NRG3: variants seen among roughly 807,000 people sequenced by gnomAD.
NRG3 encodes neuregulin 3.
NRG3 carries 31 observed loss-of-function variants against 66.9 expected under a neutral mutation model. The observed-to-expected ratio is 0.46, with a 90% CI of 0.35 to 0.63. NRG3 has a LOEUF of 0.63. Among genes scored for constraint, NRG3 ranks in the 20% least tolerant of loss-of-function variants. The pLI, the probability that NRG3 is intolerant of heterozygous loss-of-function variation, is 0.00. For missense variants in NRG3, 910 were observed against 878.9 expected (o/e 1.04, Z -0.45); for synonymous variants, 393 against 359.4 (o/e 1.09, Z -1.06).
chr10:82,805,320 C>T (rs1227814269), intron 3 of NRG3, among the ~76,000 whole-genome samples: 4 of 152,118 alleles, frequency 2.6e-5, no homozygotes, highest in Non-Finnish European at 5.9e-5. Flanking sequence ...CCACTATCAG[C>T]TTTGTGTCTC....
At chr10:82,540,171 A>G (rs1474263046) in intron 2 of NRG3, among the ~76,000 whole-genome samples, 2 of 150,308 alleles carry the variant, frequency 1.3e-5, no homozygotes, top group Non-Finnish European at 3.0e-5. Context: ...TGCTGTAATT[A>G]ATAATCTTTT....
chr10:81,934,956 C>T (rs529220752), intron 1 of NRG3, among the ~76,000 whole-genome samples: 1 of 152,216 alleles, frequency 6.6e-6, no homozygotes, highest in Non-Finnish European at 1.5e-5. Context: ...GAGGCCTTCA[C>T]TCCAGAAGTA....
chr10:82,061,214 G>A (rs1044886011), intron 1 of NRG3, among the ~76,000 whole-genome samples: 2 of 152,088 alleles, frequency 1.3e-5, no homozygotes, highest in African/African-American at 4.8e-5. Flanking sequence ...AGCCGGGCGT[G>A]GTGGCGGGTG....
chr10:82,530,447 T>G lies in NRG3; in HGVS notation c.953+171579T>G, dbSNP rs1421410821. Among the ~76,000 whole-genome samples the G allele has an allele frequency of 2.0e-5, 3 of 152,018 alleles. No homozygotes were observed. In the East Asian group the frequency reaches 5.8e-4, roughly 29 times the overall value. Reference sequence around the variant, plus strand: ...TATATTTTAGCCTGGTGGCCCTCGTTTCTCTCTACAAGGCTTATCCTTAAT... The same window carrying G: ...TATATTTTAGCCTGGTGGCCCTCGTGTCTCTCTACAAGGCTTATCCTTAAT... On this transcript the variant is annotated intron_variant, in intron 2 of 8. Transcript: ENST00000372141.
intron 3 of NRG3, among the ~76,000 whole-genome samples, chr10:82,739,954 G>A (rs1301711479): frequency 2.0e-5 from 3 of 152,000 alleles, no homozygotes; most frequent in Non-Finnish European, 4.4e-5. Flanking sequence ...TGGCATGTTA[G>A]GAAACTTGCA....
At chr10:82,720,805 T>TTATATATATATATATATATATA (rs1363560030) in intron 2 of NRG3, among the ~76,000 whole-genome samples, 28 of 63,480 alleles carry the variant, frequency 4.4e-4, no homozygotes, top group African/African-American at 2.0e-3. Context: ...TAGGAGTATT[T>TTATATATATATATATATATATA]TATACATATA....
chr10:82,491,717 T>A (rs1159910957), intron 2 of NRG3, among the ~76,000 whole-genome samples: 1 of 152,098 alleles, frequency 6.6e-6, no homozygotes, highest in Non-Finnish European at 1.5e-5. Context: ...ATATTGATCT[T>A]TACTGCCATT....
chr10:82,364,059 C>A (rs1416147326), intron 2 of NRG3, among the ~76,000 whole-genome samples: 1 of 151,998 alleles, frequency 6.6e-6, no homozygotes, highest in Non-Finnish European at 1.5e-5. Context: ...GGCAAATTTT[C>A]TAACATCTCT....
At chr10:82,501,840 C>T (rs1844221728) in intron 2 of NRG3, among the ~76,000 whole-genome samples, 1 of 152,112 alleles carries the variant, frequency 6.6e-6, no homozygotes, top group Non-Finnish European at 1.5e-5. Flanking sequence ...TTTTATCCTG[C>T]ATATTTCATT....
At chr10:82,844,083 G>A (rs2063194243) in intron 3 of NRG3, among the ~76,000 whole-genome samples, 1 of 152,158 alleles carries the variant, frequency 6.6e-6, no homozygotes, top group African/African-American at 2.4e-5. Flanking sequence ...GCCATAAATA[G>A]CTGGGAATTT....
chr10:82,948,416 T>G (rs1184308611), intron 4 of NRG3, among the ~76,000 whole-genome samples: 1 of 152,062 alleles, frequency 6.6e-6, no homozygotes, highest in African/African-American at 2.4e-5. Flanking sequence ...CTTTTGTATT[T>G]CCATAAAACA....
At chr10:82,069,197 G>A (rs1034536213) in intron 1 of NRG3, among the ~76,000 whole-genome samples, 5 of 152,144 alleles carry the variant, frequency 3.3e-5, no homozygotes, top group African/African-American at 1.2e-4. Flanking sequence ...CAGATGGATT[G>A]GATAGGGGTC....
intron 1 of NRG3, among the ~76,000 whole-genome samples, chr10:82,022,821 A>G (rs1042914864): frequency 1.3e-5 from 2 of 151,870 alleles, no homozygotes; most frequent in Admixed American, 1.3e-4. Context: ...GTAAAATTTT[A>G]TTTTTATTTT....
intron 3 of NRG3, among the ~76,000 whole-genome samples, chr10:82,861,110 A>G (rs1215245610): frequency 6.6e-6 from 1 of 152,018 alleles, no homozygotes; most frequent in Non-Finnish European, 1.5e-5. Context: ...GGTGTTTAAC[A>G]TTTTAATAAA....
At chr10:82,883,712 T>C (rs535392794) in intron 4 of NRG3, among the ~76,000 whole-genome samples, 38 of 152,178 alleles carry the variant, frequency 2.5e-4, no homozygotes, top group African/African-American at 8.9e-4. Context: ...CTCTTTCTTT[T>C]CCTGTGCACT....
intron 1 of NRG3, among the ~76,000 whole-genome samples, chr10:82,290,048 C>T (rs1394083440): frequency 6.6e-6 from 1 of 152,180 alleles, no homozygotes; most frequent in Non-Finnish European, 1.5e-5. Context: ...CAATTATCAC[C>T]TAGGCTTTAA....
intron 2 of NRG3, among the ~76,000 whole-genome samples, chr10:82,584,298 C>T (rs1178475025): frequency 2.0e-5 from 3 of 152,028 alleles, no homozygotes; most frequent in African/African-American, 7.2e-5. Context: ...GTTGGCCATG[C>T]TGGTCTTGAA....
At chr10:82,934,581 AG>A (rs1847883977) in intron 4 of NRG3, among the ~76,000 whole-genome samples, 3 of 152,198 alleles carry the variant, frequency 2.0e-5, no homozygotes, top group Non-Finnish European at 4.4e-5. Flanking sequence ...CTGGCTGCTG[AG>A]GCACACTTAT....
chr10:82,080,647 C>A (rs544515764), intron 1 of NRG3, among the ~76,000 whole-genome samples: 1 of 152,238 alleles, frequency 6.6e-6, no homozygotes, highest in South Asian at 2.1e-4. Flanking sequence ...TAATACAGTG[C>A]ATGAGGAAGA....
Sources: allele counts gnomAD v4.1 joint callset (sites outside exome capture counted in the v4.1 genomes callset), GRCh38; gene constraint gnomAD v4.1.1; transcripts MANE v1.5; gene names NCBI Gene and HGNC (gene_info 2026-07-23, HGNC 2026-07-21).